Variants in IRX3 observed in about 807,000 individuals in gnomAD.
The protein encoded by IRX3 is iroquois homeobox 3.
IRX3 carries 20 observed loss-of-function variants against 36.4 expected under a neutral mutation model. The observed-to-expected ratio is 0.55, with a 90% CI of 0.39 to 0.80. The LOEUF (loss-of-function observed/expected upper bound fraction) is 0.80. Ranked by LOEUF, IRX3 falls within the 30% of genes least tolerant of loss-of-function variation. IRX3 has a pLI of 0.00. For synonymous variants in IRX3, 404 were observed against 351.6 expected (o/e 1.15, Z -1.67); for missense variants, 718 against 733.2 (o/e 0.98, Z 0.24).
At position 54,285,703 on chromosome 16, in the gene IRX3, C is replaced by T; in HGVS notation, c.267+81G>A. 1 of 1,462,634 alleles carries T rather than the reference C, an allele frequency of 6.8e-7. No homozygotes were observed. Among genetic ancestry groups the T allele is most frequent in the East Asian group, 2.5e-5 (1 of 40,616 alleles). The allele number at this position is 1,462,634 out of a possible 1,614,324, so 90.6% of individuals were successfully genotyped here. On this transcript the variant is annotated intron_variant, in intron 1 of 3. Transcript: ENST00000329734. The surrounding 1 kb of genome is among the most constrained non-coding windows in gnomAD (Gnocchi z 5.7). ...TGCCTCCCCCCTCCTGGCCTGCACC[C>T]CTCTAGTCCGGCCCCCGCGCGCTCA...
Position 54,285,632 on chromosome 16 carries a change from G to A in IRX3, c.268-19C>T, listed in dbSNP as rs1285053209. 5 of 1,493,844 alleles carry A rather than the reference G, an allele frequency of 3.3e-6. No homozygotes were observed. The highest frequency in any genetic ancestry group is 4.5e-6 in the Non-Finnish European group (5 of 1,121,554). 92.5% of individuals were successfully genotyped at this position (1,493,844 alleles called of 1,614,324 possible). On this transcript the variant is annotated intron_variant, in intron 1 of 3. Coordinates refer to ENST00000329734, the MANE Select transcript of IRX3 (RefSeq NM_024336.3). This position sits in a 1 kb window ranked among gnomAD's most constrained non-coding sequence, Gnocchi z 5.7. ...GCGCGCCCTGTACGCACATGGAGAA[G>A]GAAGGGACACGCGCGGAGGGAGCGC... is the stretch of plus-strand genomic sequence containing the variant.
rs1420580050 is a variant in IRX3, at chr16:54,285,492, C to T, written c.389G>A (p.Arg130His). ...YGQYQFGDPSRPKNATRESTS... is the reference protein window; with the variant it reads ...YGQYQFGDPSHPKNATRESTS... ...GCTCTCCCTGGTGGCGTTCTTGGGA[C>T]GGGACGGGTCCCCGAACTGGTACTG... Residue 130 changes from arginine to histidine, a missense_variant, in exon 2 of 4, where the codon CGT (arginine) becomes CAT (histidine). Arg to His is a conservative substitution (Grantham distance 29). Transcript: ENST00000329734. The surrounding 1 kb of genome is among the most constrained non-coding windows in gnomAD (Gnocchi z 5.7). The T allele has an allele frequency of 1.2e-6, 2 of 1,613,968 alleles. No homozygotes were observed. The highest frequency in any genetic ancestry group is 1.3e-5 in the African/African-American group (1 of 74,912).
In IRX3 at chr16:54,284,209, C is replaced by T. The variant is rs761910883; in HGVS notation, c.1451+37G>A. On this transcript the variant is annotated intron_variant, in intron 3 of 3. Transcript: ENST00000329734. This position sits in a 1 kb window ranked among gnomAD's most constrained non-coding sequence, Gnocchi z 4.0. ...CGGCGTCCTCTCCTTTCCCCGCCAG[C>T]CAGTCCCCCTGGCCCCTCAACCTCG... The T allele has an allele frequency of 1.3e-6, 2 of 1,583,944 alleles. No homozygotes were observed. Among genetic ancestry groups the T allele is most frequent in the Admixed American group, 1.7e-5 (1 of 58,730 alleles).
In IRX3 at chr16:54,285,900, T is replaced by C; in HGVS notation, c.151A>G (p.Asn51Asp). The C allele has an allele frequency of 6.5e-7, 1 of 1,531,738 alleles. No homozygotes were observed. Among genetic ancestry groups the C allele is most frequent in the African/African-American group, 1.4e-5 (1 of 70,022 alleles). 94.9% of individuals were successfully genotyped at this position (1,531,738 alleles called of 1,614,324 possible). The part of the protein sequence containing the change: ...SELNASGSLS[N>D]VLSSVYGAPY... ...GCCCCGTACACGGACGAGAGCACGT[T>C]GGACAGGGACCCCGAGGCGTTCAGC... is the stretch of plus-strand genomic sequence containing the variant. Residue 51 changes from asparagine to aspartate, a missense_variant, in exon 1 of 4, where the codon AAC becomes GAC. By Grantham distance (23) the Asn-to-Asp change is conservative. Around this residue, in one of 3 missense-constraint regions of IRX3, gnomAD observed 204 missense variants for 181.4 expected, o/e 1.12. Transcript: ENST00000329734. The surrounding 1 kb of genome is among the most constrained non-coding windows in gnomAD (Gnocchi z 5.7).
rs764720102 is a variant in IRX3, at chr16:54,284,611, G to A, written c.1270C>T (p.Pro424Ser). 2 of 1,379,768 alleles carry A rather than the reference G, an allele frequency of 1.4e-6. No individual in the cohort carries two copies. The highest frequency in any genetic ancestry group is 1.9e-6 in the Non-Finnish European group (2 of 1,078,722). The allele number at this position is 1,379,768 out of a possible 1,614,324, so 85.5% of individuals were successfully genotyped here. Residue 424 changes from proline to serine, a missense_variant, in exon 2 of 4, where the codon CCG (proline) becomes TCG (serine). Physicochemically the swap from Pro to Ser is moderately conservative, Grantham distance 74 (BLOSUM62 -1). Coordinates refer to ENST00000329734, the MANE Select transcript of IRX3 (RefSeq NM_024336.3). The surrounding 1 kb of genome is among the most constrained non-coding windows in gnomAD (Gnocchi z 4.0). ...GGGGCAGAGCCCAGCAGGGAGAGCG[G>A]GTGCAGGCGGGGGCCGGGCGGTGGG... ...PGPPPGPRLH[P>S]LSLLGSAPPH...
rs372803694 is a variant in IRX3, at chr16:54,285,526, G to A, written c.355C>T (p.Pro119Ser). ...AFPHPHPAFYPYGQYQFGDPS... is the reference protein window; with the variant it reads ...AFPHPHPAFYSYGQYQFGDPS... ...TCCCCGAACTGGTACTGGCCATACGGGTAGAAGGCGGGGTGCGGGTGCGGA... is the reference window on the plus strand; with the variant it reads ...TCCCCGAACTGGTACTGGCCATACGAGTAGAAGGCGGGGTGCGGGTGCGGA... The change falls in exon 2 of 4, where the codon CCG (proline) becomes TCG (serine). Residue 119 changes from proline (P) to serine (S), a missense_variant. Physicochemically the swap from Pro to Ser is moderately conservative, Grantham distance 74. This residue lies in a region of IRX3 where 204 missense variants were observed against 181.4 expected (regional missense o/e 1.12). Coordinates refer to ENST00000329734, the MANE Select transcript of IRX3 (RefSeq NM_024336.3). The surrounding 1 kb of genome is among the most constrained non-coding windows in gnomAD (Gnocchi z 5.7). The A allele has an allele frequency of 1.5e-5, 24 of 1,612,386 alleles. No homozygotes were observed. The highest frequency in any genetic ancestry group is 4.4e-5 in the South Asian group (4 of 90,968).
chr16:54,285,579 A>C lies in IRX3; in HGVS notation c.302T>G (p.Val101Gly), dbSNP rs1336486410. The change falls in exon 2 of 4, where the codon GTG (valine) becomes GGG (glycine). Residue 101 changes from valine to glycine, a missense_variant. Val to Gly is a moderately radical substitution (Grantham distance 109). Transcript: ENST00000329734. This position sits in a 1 kb window ranked among gnomAD's most constrained non-coding sequence, Gnocchi z 5.7. ...AQYELKDSPG[V>G]QHPAAAAAFP... The stretch of plus-strand genomic sequence containing the variant: ...CGCGGCAGCCGCGGCCGGATGCTGC[A>C]CCCCGGGGCTGTCCTTCAGCTCATA... The C allele has an allele frequency of 1.3e-6, 2 of 1,571,540 alleles. No homozygotes were observed. The highest frequency in any genetic ancestry group is 2.3e-5 in the East Asian group (1 of 42,934).
chr16:54,284,043 G>C lies in IRX3; in HGVS notation c.1451+203C>G. ...TACAAGCGCTGTACCCTCCGGCCGCGCCTGGGGTGCCTGGGCTGGACCTGG... is the reference window on the plus strand; with the variant it reads ...TACAAGCGCTGTACCCTCCGGCCGCCCCTGGGGTGCCTGGGCTGGACCTGG... On this transcript the variant is annotated intron_variant, in intron 3 of 3. Coordinates refer to ENST00000329734, the MANE Select transcript of IRX3 (RefSeq NM_024336.3). This position sits in a 1 kb window ranked among gnomAD's most constrained non-coding sequence, Gnocchi z 4.0. 7.8e-7 allele frequency: 1 copy of C among 1,283,492 alleles called. No individual in the cohort carries two copies. 79.5% of individuals were successfully genotyped at this position (1,283,492 alleles called of 1,614,324 possible).
Position 54,283,751 on chromosome 16 carries a change from G to C in IRX3, c.1452-11C>G. ...AGATGGTTCTGGGGCCTGGAAGAGAGAGACAGTAGTAGCAAAAGAGGTGAG... is the reference window on the plus strand; with the variant it reads ...AGATGGTTCTGGGGCCTGGAAGAGACAGACAGTAGTAGCAAAAGAGGTGAG... On this transcript the variant is annotated splice_polypyrimidine_tract_variant and intron_variant, in intron 3 of 3. Coordinates refer to ENST00000329734, the MANE Select transcript of IRX3 (RefSeq NM_024336.3). This position sits in a 1 kb window ranked among gnomAD's most constrained non-coding sequence, Gnocchi z 4.4. 1 of 1,609,952 alleles carries C rather than the reference G, an allele frequency of 6.2e-7. No homozygotes were observed. The highest frequency in any genetic ancestry group is 8.5e-7 in the Non-Finnish European group (1 of 1,176,558).
At position 54,286,344 on chromosome 16, in the gene IRX3, C is replaced by T; in HGVS notation, c.-294G>A. On this transcript the variant is annotated 5_prime_UTR_variant, in exon 1 of 4. Transcript: ENST00000329734. ...GCAAGCCCCTCCTCTCTGCGCCGCG[C>T]TCCCTCCTCTCGGCCGCCGGAGCTG... 1 of 989,214 alleles carries T rather than the reference C, an allele frequency of 1.0e-6. No homozygotes were observed. The highest frequency in any genetic ancestry group is 1.2e-6 in the Non-Finnish European group (1 of 832,754). The allele number at this position is 989,214 out of a possible 1,614,324, so 61.3% of individuals were successfully genotyped here. A position where few individuals can be genotyped will look rare whatever the true frequency, so the allele number is the denominator to read the frequency against.
At position 54,285,297 on chromosome 16, in the gene IRX3, G is replaced by A. The variant is rs1196733631; in HGVS notation, c.584C>T (p.Pro195Leu). 2 of 1,614,118 alleles carry A rather than the reference G, an allele frequency of 1.2e-6. No homozygotes were observed. Among genetic ancestry groups the A allele is most frequent in the South Asian group, 1.1e-5 (1 of 91,084 alleles). The change falls in exon 2 of 4, where the codon CCT becomes CTT. Residue 195 changes from proline (P) to leucine (L), a missense_variant. Around this residue, in one of 3 missense-constraint regions of IRX3, gnomAD observed 468 missense variants for 462.1 expected, o/e 1.01. Coordinates refer to ENST00000329734, the MANE Select transcript of IRX3 (RefSeq NM_024336.3). The surrounding 1 kb of genome is among the most constrained non-coding windows in gnomAD (Gnocchi z 5.7). ...LKKENKMTWAPRSRTDEEGNA... is the reference protein window; with the variant it reads ...LKKENKMTWALRSRTDEEGNA... Reference sequence around the variant, plus strand: ...TCCCTCCTCGTCAGTGCGGCTGCGAGGCGCCCAAGTCATCTTATTCTCCTT... The same window carrying A: ...TCCCTCCTCGTCAGTGCGGCTGCGAAGCGCCCAAGTCATCTTATTCTCCTT...
chr16:54,284,057 G>C lies in IRX3; in HGVS notation c.1451+189C>G. 1 of 1,243,682 alleles carries C rather than the reference G, an allele frequency of 8.0e-7. No individual in the cohort carries two copies. Among genetic ancestry groups the C allele is most frequent in the South Asian group, 1.6e-5 (1 of 62,970 alleles). The allele number at this position is 1,243,682 out of a possible 1,614,324, so 77.0% of individuals were successfully genotyped here. A position where few individuals can be genotyped will look rare whatever the true frequency, so the allele number is the denominator to read the frequency against. ...CCTCCGGCCGCGCCTGGGGTGCCTG[G>C]GCTGGACCTGGAGAGCTGTCGCAGG... On this transcript the variant is annotated intron_variant, in intron 3 of 3. Transcript: ENST00000329734. The surrounding 1 kb of genome is among the most constrained non-coding windows in gnomAD (Gnocchi z 4.0).
In IRX3 at chr16:54,286,088, C is replaced by G. The variant is rs1183865707; in HGVS notation, c.-38G>C. ...GGCACGGACGGAGAGGGGGGCCGAC[C>G]CCCGGGCCGCCCAGCTCAGCGCCGC... On this transcript the variant is annotated 5_prime_UTR_variant, in exon 1 of 4. Coordinates refer to ENST00000329734, the MANE Select transcript of IRX3 (RefSeq NM_024336.3). 2 of 1,224,676 alleles carry G rather than the reference C, an allele frequency of 1.6e-6. No individual in the cohort carries two copies. Among genetic ancestry groups the G allele is most frequent in the African/African-American group, 1.6e-5 (1 of 62,588 alleles). 75.9% of individuals were successfully genotyped at this position (1,224,676 alleles called of 1,614,324 possible).
Position 54,284,718 on chromosome 16 carries a change from G to C in IRX3, c.1163C>G (p.Ala388Gly). Reference sequence around the variant, plus strand: ...TCTGTGAGCGGCGGCGGCGGCGGCGGCCGGAGAGAGCTGCAGGGCGGAAGG... The same window carrying C: ...TCTGTGAGCGGCGGCGGCGGCGGCGCCCGGAGAGAGCTGCAGGGCGGAAGG... ...VAPSALQLSP[A>G]AAAAAAHRLV... Residue 388 changes from alanine to glycine, a missense_variant, in exon 2 of 4, where the codon GCC becomes GGC. Transcript: ENST00000329734. This position sits in a 1 kb window ranked among gnomAD's most constrained non-coding sequence, Gnocchi z 4.0. 1 of 1,432,610 alleles carries C rather than the reference G, an allele frequency of 7.0e-7. No individual in the cohort carries two copies. The highest frequency in any genetic ancestry group is 9.0e-7 in the Non-Finnish European group (1 of 1,105,952). 88.7% of individuals were successfully genotyped at this position (1,432,610 alleles called of 1,614,324 possible). A position where few individuals can be genotyped will look rare whatever the true frequency, so the allele number is the denominator to read the frequency against.
Position 54,284,856 on chromosome 16 carries a change from G to A in IRX3, c.1025C>T (p.Ser342Phe). 1 of 1,545,848 alleles carries A rather than the reference G, an allele frequency of 6.5e-7. No homozygotes were observed. Among genetic ancestry groups the A allele is most frequent in the Non-Finnish European group, 8.7e-7 (1 of 1,148,838 alleles). The change falls in exon 2 of 4, where the codon TCC becomes TTC. Residue 342 changes from serine to phenylalanine, a missense_variant. Ser to Phe is a radical substitution (Grantham distance 155, BLOSUM62 -2). Around this residue, in one of 3 missense-constraint regions of IRX3, gnomAD observed 468 missense variants for 462.1 expected, o/e 1.01. Coordinates refer to ENST00000329734, the MANE Select transcript of IRX3 (RefSeq NM_024336.3). This position sits in a 1 kb window ranked among gnomAD's most constrained non-coding sequence, Gnocchi z 4.0. ...CCAGATCTTGGGCTTCTGCAGGGCG[G>A]AGGCGGGGGCTGGTGCGGGAGCGCA... is the stretch of plus-strand genomic sequence containing the variant. ...DPCAPAPAPA[S>F]ALQKPKIWSL...
At position 54,284,463 on chromosome 16, in the gene IRX3, C is replaced by G. The variant is rs1436972582; in HGVS notation, c.1384+34G>C. The G allele has an allele frequency of 7.2e-7, 1 of 1,392,106 alleles. No individual in the cohort carries two copies. Among genetic ancestry groups the G allele is most frequent in the Admixed American group, 3.8e-5 (1 of 26,092 alleles). The allele number at this position is 1,392,106 out of a possible 1,614,324, so 86.2% of individuals were successfully genotyped here. A position where few individuals can be genotyped will look rare whatever the true frequency, so the allele number is the denominator to read the frequency against. On this transcript the variant is annotated intron_variant, in intron 2 of 3. Transcript: ENST00000329734. This position sits in a 1 kb window ranked among gnomAD's most constrained non-coding sequence, Gnocchi z 4.0. ...CAGCTCCGGCACTACCCGCAGAGCC[C>G]GCCCCCGCTCCGCGCCCAGCGCTCA...
In IRX3 at chr16:54,284,215, C is replaced by G; in HGVS notation, c.1451+31G>C. 1.3e-6 allele frequency: 2 copies of G among 1,595,412 alleles called. No individual in the cohort carries two copies. Among genetic ancestry groups the G allele is most frequent in the East Asian group, 2.3e-5 (1 of 44,364 alleles). On this transcript the variant is annotated intron_variant, in intron 3 of 3. Transcript: ENST00000329734. The surrounding 1 kb of genome is among the most constrained non-coding windows in gnomAD (Gnocchi z 4.0). ...CCTCTCCTTTCCCCGCCAGCCAGTC[C>G]CCCTGGCCCCTCAACCTCGGGGTTT...
In IRX3 at chr16:54,285,440, G is replaced by A. The variant is rs529930301; in HGVS notation, c.441C>T (p.Asn147=). 56 of 1,614,120 alleles carry A rather than the reference G, an allele frequency of 3.5e-5. 1 individual carries two copies. The South Asian group carries it at 6.1e-4, about 18-fold the overall frequency. The part of the protein sequence containing the change: ...ESTSTLKAWL[N]EHRKNPYPTK... Reference sequence around the variant, plus strand: ...TGGGGTAGGGGTTCTTGCGGTGCTCGTTGAGCCAGGCCTTCAGCGTGCTGG... The same window carrying A: ...TGGGGTAGGGGTTCTTGCGGTGCTCATTGAGCCAGGCCTTCAGCGTGCTGG... Residue 147 remains asparagine (N), a synonymous_variant, in exon 2 of 4, where the codon AAC becomes AAT. Transcript: ENST00000329734. The surrounding 1 kb of genome is among the most constrained non-coding windows in gnomAD (Gnocchi z 5.7).
chr16:54,283,640 A>G lies in IRX3; in HGVS notation c.*46T>C. ...GCGATTTTTTTTATACAATTATTAC[A>G]ACGATTAAAAAAAGTTTTTTTTGTT... is the stretch of plus-strand genomic sequence containing the variant. On this transcript the variant is annotated 3_prime_UTR_variant, in exon 4 of 4. Transcript: ENST00000329734. This position sits in a 1 kb window ranked among gnomAD's most constrained non-coding sequence, Gnocchi z 4.4. 2 of 886,488 alleles carry G rather than the reference A, an allele frequency of 2.3e-6. No individual in the cohort carries two copies. Among genetic ancestry groups the G allele is most frequent in the Non-Finnish European group, 3.7e-6 (2 of 546,700 alleles). The allele number at this position is 886,488 out of a possible 1,614,324, so 54.9% of individuals were successfully genotyped here. A position where few individuals can be genotyped will look rare whatever the true frequency, so the allele number is the denominator to read the frequency against.
Sources: gnomAD v4.1 joint callset for allele counts on GRCh38, gnomAD v4.1.1 for gene constraint, gnomAD v4.1.1 regional missense constraint, Gnocchi (gnomAD v3.1) non-coding constraint, MANE v1.5 for transcripts, NCBI Gene and HGNC (gene_info 2026-07-23, HGNC 2026-07-21) for gene names.